PLEKHA5: variants seen among roughly 807,000 people sequenced by gnomAD.
PLEKHA5 encodes pleckstrin homology domain containing A5.
Under a neutral mutation model 181.9 loss-of-function variants are expected in PLEKHA5, and 55 were observed. The ratio of observed to expected loss-of-function variants is 0.30; its 90% CI spans 0.24 to 0.38. The LOEUF is 0.38. PLEKHA5 is among the 10% of genes least tolerant of loss of function. PLEKHA5 has a pLI of 1.00. For missense variants in PLEKHA5, 1,432 were observed against 1,549.5 expected (o/e 0.92, Z 1.27); for synonymous variants, 535 against 529.4 (o/e 1.01, Z -0.15).
chr12:19,331,403 T>G (rs1168006611), intron 20 of PLEKHA5, among the ~76,000 whole-genome samples: 1 of 152,174 alleles, frequency 6.6e-6, no homozygotes, highest in Non-Finnish European at 1.5e-5. Flanking sequence ...GAGATCTCCC[T>G]ATGTTGCCCA....
chr12:19,185,569 G>C (rs1488993110), intron 3 of PLEKHA5, among the ~76,000 whole-genome samples: 1 of 152,152 alleles, frequency 6.6e-6, no homozygotes, highest in Non-Finnish European at 1.5e-5. Context: ...TATCATATTA[G>C]TTGAGTCTCT....
At chr12:19,318,863 A>G (rs1255362248) in intron 16 of PLEKHA5, among the ~76,000 whole-genome samples, 8 of 152,142 alleles carry the variant, frequency 5.3e-5, no homozygotes, top group East Asian at 1.9e-4. Context: ...AGAGGTTGCA[A>G]TGAGCCGAGA....
At chr12:19,325,132 C>G (rs546620357) in intron 20 of PLEKHA5, among the ~76,000 whole-genome samples, 153 of 152,350 alleles carry the variant, frequency 1.0e-3, no homozygotes, top group Non-Finnish European at 8.7e-4. Context: ...TGGCTCACGC[C>G]TGTAATCTCA....
At chr12:19,195,012 C>T (rs935836988) in intron 3 of PLEKHA5, among the ~76,000 whole-genome samples, 2 of 152,162 alleles carry the variant, frequency 1.3e-5, no homozygotes, top group East Asian at 3.9e-4. Flanking sequence ...CTGTACCAGA[C>T]ACTGTGTTTG....
At chr12:19,266,522 G>A (rs7956392) in intron 8 of PLEKHA5, among the ~76,000 whole-genome samples, 129,787 of 151,934 alleles carry the variant, frequency 0.85, 57,096 homozygotes, top group Non-Finnish European at 0.97. Context: ...AGTGGCTCAT[G>A]CCTGTTATCC....
intron 30 of PLEKHA5, among the ~76,000 whole-genome samples, chr12:19,367,228 G>A (rs2095447987): frequency 6.7e-6 from 1 of 149,206 alleles, no homozygotes; most frequent in African/African-American, 2.5e-5. Context: ...ACAGGGATGG[G>A]AATTAGTGCA....
In PLEKHA5 at chr12:19,291,741, C is replaced by T. The variant is rs985136807; in HGVS notation, c.2037+44C>T. The T allele has an allele frequency of 4.9e-6, 5 of 1,015,854 alleles. No individual in the cohort carries two copies. The African/African-American group carries it at 6.5e-5, about 13-fold the overall frequency. 62.9% of individuals were successfully genotyped at this position (1,015,854 alleles called of 1,614,324 possible). A position where few individuals can be genotyped will look rare whatever the true frequency, so the allele number is the denominator to read the frequency against. On this transcript the variant is annotated intron_variant, in intron 15 of 31. Coordinates refer to ENST00000429027, the MANE Select transcript of PLEKHA5 (RefSeq NM_001256470.2). ...TTCTTACTTTTAATACTTAATAGAA[C>T]TTCTTAAATATAATACAGTTTTTCA...
chr12:19,165,198 C>A (rs2044030892), intron 3 of PLEKHA5, among the ~76,000 whole-genome samples: 1 of 152,160 alleles, frequency 6.6e-6, no homozygotes, highest in Admixed American at 6.5e-5. Context: ...ACGATCCCAC[C>A]AGTGGATATA....
At position 19,158,302 on chromosome 12, in the gene PLEKHA5, G is replaced by A. The variant is rs188074116; in HGVS notation, c.227+25852G>A. Among the ~76,000 whole-genome samples, 1,110 of 151,872 alleles carry A rather than the reference G, an allele frequency of 7.3e-3. 6 individuals carry two copies. Among genetic ancestry groups the A allele is most frequent in the Non-Finnish European group, 0.012 (825 of 67,948 alleles). ...CAGGAGGTGGAGCTTGCAGTGAGCC[G>A]AGATCGCACCACTGCACTCCAGCCT... On this transcript the variant is annotated intron_variant, in intron 3 of 31. Coordinates refer to ENST00000429027, the MANE Select transcript of PLEKHA5 (RefSeq NM_001256470.2).
intron 20 of PLEKHA5, among the ~76,000 whole-genome samples, chr12:19,332,285 G>A (rs1384678816): frequency 1.3e-5 from 2 of 152,078 alleles, no homozygotes; most frequent in Admixed American, 1.3e-4. Context: ...AGAAAACTCT[G>A]CAGCAATCCC....
rs772560261 is a variant in PLEKHA5, at chr12:19,130,003, C to T, written c.90-48C>T. On this transcript the variant is annotated intron_variant, in intron 1 of 31. Transcript: ENST00000429027. The surrounding 1 kb of genome is among the most constrained non-coding windows in gnomAD (Gnocchi z 4.5). ...CTCCTGCAGCCCCTCGGCTCGCCCCCGCGTCCCCTCTCACGCTCCGTGTCT... is the reference window on the plus strand; with the variant it reads ...CTCCTGCAGCCCCTCGGCTCGCCCCTGCGTCCCCTCTCACGCTCCGTGTCT... 4.7e-6 allele frequency: 7 copies of T among 1,492,444 alleles called. No homozygotes were observed. Among genetic ancestry groups the T allele is most frequent in the African/African-American group, 2.8e-5 (2 of 70,788 alleles). The allele number at this position is 1,492,444 out of a possible 1,614,324, so 92.5% of individuals were successfully genotyped here. A position where few individuals can be genotyped will look rare whatever the true frequency, so the allele number is the denominator to read the frequency against.
intron 3 of PLEKHA5, among the ~76,000 whole-genome samples, chr12:19,248,099 T>C (rs549747734): frequency 3.9e-4 from 59 of 152,168 alleles, no homozygotes; most frequent in African/African-American, 1.4e-3. Flanking sequence ...GGCGTGCACC[T>C]TTAGTCCCAG....
chr12:19,234,601 A>G (rs958411688), intron 3 of PLEKHA5, among the ~76,000 whole-genome samples: 9 of 152,214 alleles, frequency 5.9e-5, no homozygotes, highest in Non-Finnish European at 1.2e-4. Context: ...CCTGGCAGCC[A>G]TATGCAGAAC....
intron 2 of PLEKHA5, among the ~76,000 whole-genome samples, chr12:19,131,995 G>T (rs914318925): frequency 3.3e-5 from 5 of 152,006 alleles, no homozygotes; most frequent in African/African-American, 1.2e-4. Flanking sequence ...TGAAAAATAC[G>T]GTCTTAAATA....
chr12:19,195,635 T>A (rs536767104), intron 3 of PLEKHA5, among the ~76,000 whole-genome samples: 70 of 137,836 alleles, frequency 5.1e-4, no homozygotes, highest in Middle Eastern at 9.3e-3. Flanking sequence ...ATTGCGCCAT[T>A]GCACTCCAGC....
Position 19,369,771 on chromosome 12 carries a change from A to G in PLEKHA5, c.3833A>G (p.His1278Arg), listed in dbSNP as rs1196650317. 3.1e-6 allele frequency: 5 copies of G among 1,608,970 alleles called. No individual in the cohort carries two copies. Among genetic ancestry groups the G allele is most frequent in the East Asian group, 2.2e-5 (1 of 44,840 alleles). ...STQPQLTEGS[H>R]FMCV The stretch of plus-strand genomic sequence containing the variant: ...CAGCCGCAGCTCACAGAAGGATCAC[A>G]TTTCATGTGTGTGTAGTCTTAGAAG... Residue 1278 changes from histidine to arginine, a missense_variant, in exon 31 of 32, where the codon CAT becomes CGT. By Grantham distance (29) the His-to-Arg change is conservative (BLOSUM62 0). Coordinates refer to ENST00000429027, the MANE Select transcript of PLEKHA5 (RefSeq NM_001256470.2).
At chr12:19,327,715 GCTCACTGCAACCTCCA>G (rs2092374646) in intron 20 of PLEKHA5, among the ~76,000 whole-genome samples, 1 of 146,306 alleles carries the variant, frequency 6.8e-6, no homozygotes, top group Non-Finnish European at 1.5e-5. Context: ...CGCGATCTTT[GCTCACTGCAACCTCCA>G]CCTTCCAAGT....
intron 15 of PLEKHA5, among the ~76,000 whole-genome samples, chr12:19,297,753 ATTTT>A (rs36109060): frequency 7.2e-6 from 1 of 139,016 alleles, no homozygotes; most frequent in Non-Finnish European, 1.6e-5. Context: ...GTAAATTATT[ATTTT>A]TTTTTTTTTT....
intron 3 of PLEKHA5, among the ~76,000 whole-genome samples, chr12:19,222,399 A>G (rs1351278507): frequency 6.6e-6 from 1 of 152,124 alleles, no homozygotes; most frequent in Non-Finnish European, 1.5e-5. Flanking sequence ...GCAGAGCCTA[A>G]TTTAATGATT....
Sources: allele counts gnomAD v4.1 joint callset (sites outside exome capture counted in the v4.1 genomes callset), GRCh38; gene constraint gnomAD v4.1.1; non-coding constraint Gnocchi (gnomAD v3.1); transcripts MANE v1.5; gene names NCBI Gene and HGNC (gene_info 2026-07-23, HGNC 2026-07-21).